AGBL1: variants seen among roughly 807,000 people sequenced by gnomAD.
AGBL1 encodes the protein cytosolic carboxypeptidase 4.
AGBL1 carries 130 observed loss-of-function variants against 118.9 expected under a neutral mutation model. The observed-to-expected ratio is 1.09, with a 90% CI of 0.95 to 1.26. The LOEUF (loss-of-function observed/expected upper bound fraction) is 1.26, where lower values mean the gene tolerates loss of function less well. AGBL1 is among the 50% of genes most tolerant of loss of function. The probability of loss-of-function intolerance (pLI) is 0.00; values close to 1 mark genes in which losing one functional copy is unlikely to be tolerated. For missense variants in AGBL1, 1,584 were observed against 1,298.1 expected (o/e 1.22, Z -3.38); for synonymous variants, 555 against 478.9 (o/e 1.16, Z -2.08).
At chr15:86,491,594 G>A (rs940361632) in intron 18 of AGBL1, among the ~76,000 whole-genome samples, 3 of 152,080 alleles carry the variant, frequency 2.0e-5, no homozygotes, top group African/African-American at 7.2e-5. Flanking sequence ...AGACAGACTA[G>A]ATCTGTGACA....
intron 21 of AGBL1, among the ~76,000 whole-genome samples, chr15:86,659,555 C>T (rs1417447181): frequency 3.3e-5 from 5 of 152,116 alleles, no homozygotes; most frequent in African/African-American, 7.2e-5. Context: ...TTCTGCTACC[C>T]GCCACGGCGT....
intron 1 of AGBL1, among the ~76,000 whole-genome samples, chr15:86,121,585 T>C (rs938672806): frequency 6.6e-6 from 1 of 152,234 alleles, no homozygotes; most frequent in Non-Finnish European, 1.5e-5. Context: ...GGGTGATTCA[T>C]GTACTCGACA....
intron 21 of AGBL1, among the ~76,000 whole-genome samples, chr15:86,656,576 T>C (rs1322820203): frequency 6.6e-6 from 1 of 152,198 alleles, no homozygotes; most frequent in Non-Finnish European, 1.5e-5. Flanking sequence ...AAGTTCTTTA[T>C]GCATCAAAAA....
chr15:86,990,278 G>T (rs879495661), intron 24 of AGBL1, among the ~76,000 whole-genome samples: 5 of 152,172 alleles, frequency 3.3e-5, no homozygotes, highest in Non-Finnish European at 7.3e-5. Flanking sequence ...ACTTTGGGAG[G>T]CTGAGGCAGT....
chr15:86,354,683 G>C (rs2080684509), intron 17 of AGBL1, among the ~76,000 whole-genome samples: 1 of 152,150 alleles, frequency 6.6e-6, no homozygotes, highest in Non-Finnish European at 1.5e-5. Context: ...GTCAGATCAT[G>C]GTCTCTCAAA....
At chr15:86,171,498 G>A (rs536097025) in intron 5 of AGBL1, among the ~76,000 whole-genome samples, 186 of 152,182 alleles carry the variant, frequency 1.2e-3, no homozygotes, top group Non-Finnish European at 2.1e-3. Flanking sequence ...AAGAGTTACG[G>A]CTAATGAGTT....
chr15:86,583,002 A>G (rs190909059), intron 21 of AGBL1, among the ~76,000 whole-genome samples: 1 of 152,178 alleles, frequency 6.6e-6, no homozygotes, highest in Non-Finnish European at 1.5e-5. Context: ...CCTAAAACTT[A>G]AAGTATAATA....
intron 21 of AGBL1, among the ~76,000 whole-genome samples, chr15:86,593,788 A>G (rs1046589473): frequency 9.2e-5 from 14 of 152,336 alleles, no homozygotes; most frequent in Admixed American, 2.0e-4. Flanking sequence ...CTAGGGAACG[A>G]CTAATCTTTT....
chr15:86,411,413 G>T (rs1250592499), intron 18 of AGBL1, among the ~76,000 whole-genome samples: 2 of 152,080 alleles, frequency 1.3e-5, no homozygotes, highest in African/African-American at 4.8e-5. Context: ...CTCTGTTCTG[G>T]ATCACTCTGC....
chr15:86,087,203 C>G (rs977551327), intron 1 of AGBL1, among the ~76,000 whole-genome samples: 2 of 152,082 alleles, frequency 1.3e-5, no homozygotes, highest in African/African-American at 4.8e-5. Flanking sequence ...GCATTTATTT[C>G]TTTTGTGTTC....
At chr15:86,814,836 C>T (rs2078837623) in intron 22 of AGBL1, among the ~76,000 whole-genome samples, 7 of 152,158 alleles carry the variant, frequency 4.6e-5, no homozygotes, top group Admixed American at 4.6e-4. Context: ...TCATTTTCCT[C>T]CTCTGTAAAG....
At chr15:86,945,245 A>T (rs1479901263) in intron 23 of AGBL1, among the ~76,000 whole-genome samples, 2 of 8,852 alleles carry the variant, frequency 2.3e-4, no homozygotes, top group Non-Finnish European at 7.7e-4. Context: ...CCCCATCACT[A>T]AAAAAAAAAA....
intron 21 of AGBL1, among the ~76,000 whole-genome samples, chr15:86,569,820 T>C (rs566878467): frequency 6.6e-6 from 1 of 152,336 alleles, no homozygotes; most frequent in East Asian, 1.9e-4. Context: ...AGAAAATTGT[T>C]CCTTCTATGA....
At chr15:87,029,284 TTATG>T (rs1310028204), downstream of AGBL1, among the ~76,000 whole-genome samples, 2 of 151,812 alleles carry the variant, frequency 1.3e-5, no homozygotes, top group Non-Finnish European at 2.9e-5. Context: ...TCAATATCCT[TTATG>T]TAATACTGAA....
intron 1 of AGBL1, among the ~76,000 whole-genome samples, chr15:86,085,548 A>C (rs1193908291): frequency 6.6e-6 from 1 of 152,122 alleles, no homozygotes; most frequent in Non-Finnish European, 1.5e-5. Flanking sequence ...ATGACTGCTG[A>C]TGTAATGTGA....
rs150581951 is a variant in AGBL1, at chr15:86,478,427, A to G, written c.2556-44383A>G. Among the ~76,000 whole-genome samples, 310 of 152,322 alleles carry G rather than the reference A, an allele frequency of 2.0e-3. 1 individual carries two copies. Among genetic ancestry groups the G allele is most frequent in the African/African-American group, 7.1e-3 (294 of 41,566 alleles). ...ATGTGCAAAAATCACAAACATTCTT[A>G]TACACCAATAAGAGAAAAACGGAGA... On this transcript the variant is annotated intron_variant, in intron 18 of 22. Coordinates refer to ENST00000614907, the MANE Select transcript of AGBL1 (RefSeq NM_001386094.1).
chr15:86,874,611 C>T (rs894957169), intron 22 of AGBL1, among the ~76,000 whole-genome samples: 2 of 152,056 alleles, frequency 1.3e-5, no homozygotes, highest in African/African-American at 4.8e-5. Flanking sequence ...ACCAGATGAT[C>T]CAGAGTTAGG....
chr15:86,262,078 C>CTTTGTTTTTTTTTTTTTTTTTTT (rs2078997296), intron 9 of AGBL1, among the ~76,000 whole-genome samples: 1 of 52,768 alleles, frequency 1.9e-5, no homozygotes, highest in Non-Finnish European at 3.6e-5. Flanking sequence ...GCATAGCTGG[C>CTTTGTTTTTTTTTTTTTTTTTTT]TTTTTTTTTT....
intron 22 of AGBL1, among the ~76,000 whole-genome samples, chr15:86,845,466 T>G (rs189880531): frequency 6.6e-6 from 1 of 152,264 alleles, no homozygotes; most frequent in Admixed American, 6.5e-5. Flanking sequence ...AGTCATGATG[T>G]ACAATCCTTT....
Sources: gnomAD v4.1 joint callset for allele counts (sites outside exome capture counted in the v4.1 genomes callset) on GRCh38, gnomAD v4.1.1 for gene constraint, MANE v1.5 for transcripts, NCBI Gene and HGNC (gene_info 2026-07-23, HGNC 2026-07-21) for gene names.